Variants in PDE11A observed in about 807,000 individuals in gnomAD.
The protein encoded by PDE11A is phosphodiesterase 11A.
Under a neutral mutation model 100.5 loss-of-function variants are expected in PDE11A, and 100 were observed. That is an observed-to-expected ratio of 1.00 (90% CI 0.85 to 1.18). The LOEUF is 1.18. PDE11A is among the 50% of genes most tolerant of loss of function. PDE11A has a pLI of 0.00. For synonymous variants in PDE11A, 381 were observed against 420.8 expected, an observed-to-expected ratio of 0.91 and a Z score of 1.16; for missense variants, 1,141 against 1,152.6, an observed-to-expected ratio of 0.99 and a Z score of 0.15.
intron 1 of PDE11A, among the ~76,000 whole-genome samples, chr2:178,038,531 C>A (rs1296031287): frequency 1.3e-5 from 2 of 151,740 alleles, no homozygotes; most frequent in Non-Finnish European, 1.5e-5. Context: ...GGAGCTCCTA[C>A]AAATCAATAA....
chr2:177,961,096 A>G (rs1338169186), intron 2 of PDE11A, among the ~76,000 whole-genome samples: 1 of 152,106 alleles, frequency 6.6e-6, no homozygotes, highest in Non-Finnish European at 1.5e-5. Flanking sequence ...CCTCTTACAA[A>G]CAGCAGGAAG....
chr2:177,769,885 C>CAA (rs10572990), intron 9 of PDE11A, among the ~76,000 whole-genome samples: 111 of 70,844 alleles, frequency 1.6e-3, no homozygotes, highest in Admixed American at 4.0e-3. Flanking sequence ...AAGACCCTAT[C>CAA]AAAAAAAAAA....
chr2:177,643,653 A>G (rs1056088285), intron 19 of PDE11A, among the ~76,000 whole-genome samples: 1 of 152,242 alleles, frequency 6.6e-6, no homozygotes, highest in Admixed American at 6.5e-5. Context: ...TTGCATAAGT[A>G]ATGAGGAGCT....
chr2:177,910,794 G>A (rs911183043), intron 2 of PDE11A, among the ~76,000 whole-genome samples: 2 of 152,048 alleles, frequency 1.3e-5, no homozygotes, highest in African/African-American at 4.8e-5. Flanking sequence ...TTCTATCAAT[G>A]TACACAAAAA....
chr2:177,645,069 C>T (rs1032588621), intron 19 of PDE11A, among the ~76,000 whole-genome samples: 10 of 152,208 alleles, frequency 6.6e-5, no homozygotes, highest in Admixed American at 2.0e-4. Flanking sequence ...CGGACTAATA[C>T]AAATATGCAC....
chr2:177,806,833 A>C (rs1319809921), intron 9 of PDE11A, among the ~76,000 whole-genome samples: 1 of 152,116 alleles, frequency 6.6e-6, no homozygotes. Context: ...AATTAATAAC[A>C]GTTGGTAAGT....
Position 178,082,522 on chromosome 2 carries a change from A to G in PDE11A, c.162+21780T>C, listed in dbSNP as rs2087300493. On this transcript the variant is annotated intron_variant, in intron 2 of 20. Coordinates refer to the PDE11A transcript ENST00000358450. ...AGCATAGTCTCCAGTCAGAAGCTGG[A>G]AACAGACACTTTGAGGGAAGGGCAA... Among the ~76,000 whole-genome samples, 3 of 152,274 alleles carry G rather than the reference A, an allele frequency of 2.0e-5. 1 individual carries two copies. Among genetic ancestry groups the G allele is most frequent in the Admixed American group, 2.0e-4 (3 of 15,286 alleles).
At chr2:177,894,852 C>T (rs2084585023) in intron 4 of PDE11A, among the ~76,000 whole-genome samples, 1 of 152,136 alleles carries the variant, frequency 6.6e-6, no homozygotes, top group South Asian at 2.1e-4. Flanking sequence ...ATCTCCAAAC[C>T]TACCTGTAAC....
At chr2:177,980,710 G>T (rs983221441) in intron 2 of PDE11A, among the ~76,000 whole-genome samples, 13 of 150,568 alleles carry the variant, frequency 8.6e-5, no homozygotes, top group African/African-American at 3.1e-4. Flanking sequence ...AACAATTTGG[G>T]TGATGGAAAA....
intron 1 of PDE11A, among the ~76,000 whole-genome samples, chr2:178,054,810 A>G (rs966729807): frequency 6.6e-6 from 1 of 152,204 alleles, no homozygotes; most frequent in African/African-American, 2.4e-5. Flanking sequence ...ACCATCTCAC[A>G]CCAGTTAGAA....
chr2:177,981,483 C>G (rs1294539704), intron 2 of PDE11A, among the ~76,000 whole-genome samples: 1 of 150,550 alleles, frequency 6.6e-6, no homozygotes, highest in Non-Finnish European at 1.5e-5. Context: ...ACATGGCATT[C>G]TCCCTGTATC....
intron 5 of PDE11A, 117 bp downstream of exon 5, chr2:177,875,742 A>C: frequency 1.3e-6 from 1 of 751,720 alleles, no homozygotes; most frequent in South Asian, 1.5e-5. Flanking sequence ...AAGAGTCACG[A>C]TATTTGGTTG....
intron 2 of PDE11A, among the ~76,000 whole-genome samples, chr2:177,951,337 C>T (rs2105783079): frequency 6.6e-6 from 1 of 152,330 alleles, no homozygotes; most frequent in Non-Finnish European, 1.5e-5. Flanking sequence ...ATGACAGTAT[C>T]TTCTTGATCA....
intron 10 of PDE11A, among the ~76,000 whole-genome samples, chr2:177,745,911 G>C (rs886117680): frequency 6.6e-6 from 1 of 152,164 alleles, no homozygotes; most frequent in African/African-American, 2.4e-5. Context: ...CTCTGCTGAA[G>C]TCTCCATAGA....
At chr2:177,755,760 A>T (rs1353760751) in intron 10 of PDE11A, among the ~76,000 whole-genome samples, 1 of 152,204 alleles carries the variant, frequency 6.6e-6, no homozygotes, top group African/African-American at 2.4e-5. Context: ...CTGAAAGATG[A>T]GAAACCCAGG....
chr2:177,679,669 A>AGGAGAAAACTATGATGGGGTCT (rs2080831247), intron 16 of PDE11A, among the ~76,000 whole-genome samples: 1 of 152,188 alleles, frequency 6.6e-6, no homozygotes, highest in Admixed American at 6.5e-5. Flanking sequence ...AGTAAAGGGA[A>AGGAGAAAACTATGATGGGGTCT]GGAGAAAACT....
At position 177,779,824 on chromosome 2, in the gene PDE11A, G is replaced by A. The variant is rs538429470; in HGVS notation, c.1738-10451C>T. Among the ~76,000 whole-genome samples, 4 of 152,274 alleles carry A rather than the reference G, an allele frequency of 2.6e-5. No individual in the cohort carries two copies. The East Asian group carries it at 7.7e-4, about 29-fold the overall frequency. ...AATGTTGATATTTTGACCTCCTCCA[G>A]GGAATCATAAATGTTCTTAATGGCA... On this transcript the variant is annotated intron_variant, in intron 9 of 19. Transcript: ENST00000286063.
intron 4 of PDE11A, among the ~76,000 whole-genome samples, chr2:177,896,532 T>A (rs985906475): frequency 6.6e-6 from 1 of 152,196 alleles, no homozygotes; most frequent in Non-Finnish European, 1.5e-5. Context: ...CAGGTTATCC[T>A]GGCAGCCAAA....
At chr2:177,797,148 A>T (rs1048723323) in intron 9 of PDE11A, 1 of 152,160 alleles carries the variant, frequency 6.6e-6, no homozygotes, top group African/African-American at 2.4e-5. Context: ...CGGTGTAGAA[A>T]ACAGGCCCTT....
Sources: allele counts gnomAD v4.1 joint callset (sites outside exome capture counted in the v4.1 genomes callset), GRCh38; gene constraint gnomAD v4.1.1; transcripts MANE v1.5; gene names NCBI Gene and HGNC (gene_info 2026-07-23, HGNC 2026-07-21).